Variants in FGF14 observed in about 807,000 individuals in gnomAD.
The protein encoded by FGF14 is fibroblast growth factor homologous factor 4.
A neutral mutation model predicts 25.5 loss-of-function variants in FGF14; 5 were observed. That is an observed-to-expected ratio of 0.20 (90% CI 0.10 to 0.41). The LOEUF is 0.41. FGF14 is among the 10% of genes least tolerant of loss of function. FGF14 has a pLI of 1.00. For missense variants in FGF14, 222 were observed against 320.1 expected, an observed-to-expected ratio of 0.69 and a Z score of 2.34; for synonymous variants, 138 against 118.3, an observed-to-expected ratio of 1.17 and a Z score of -1.08.
chr13:102,154,167 G>A (rs1290630090), intron 1 of FGF14, among the ~76,000 whole-genome samples: 4 of 152,020 alleles, frequency 2.6e-5, no homozygotes, highest in Admixed American at 2.6e-4. Context: ...TACAGAGAAT[G>A]CCACAAAGAT....
intron 3 of FGF14, among the ~76,000 whole-genome samples, chr13:101,793,066 G>A (rs1027439426): frequency 6.6e-6 from 1 of 151,998 alleles, no homozygotes; most frequent in Non-Finnish European, 1.5e-5. Flanking sequence ...ACATTACTCA[G>A]TTATTAGCTG....
At chr13:101,978,664 A>C (rs549725525) in intron 1 of FGF14, among the ~76,000 whole-genome samples, 27 of 152,330 alleles carry the variant, frequency 1.8e-4, no homozygotes, top group Admixed American at 7.2e-4. Context: ...ACATCACTTA[A>C]ATTCGCTAGG....
chr13:101,867,934 ACGCG>A (rs1403038685), intron 3 of FGF14, among the ~76,000 whole-genome samples: 101 of 133,910 alleles, frequency 7.5e-4, no homozygotes, highest in Non-Finnish European at 1.2e-3. Context: ...ACACACACAC[ACGCG>A]CACACACACA....
chr13:102,351,245 A>C (rs1566954993), intron 1 of FGF14, among the ~76,000 whole-genome samples: 1 of 152,168 alleles, frequency 6.6e-6, no homozygotes, highest in Non-Finnish European at 1.5e-5. Context: ...AATTATACCC[A>C]GTTAAAAACC....
chr13:102,121,622 CTTATA>C (rs1488811199), intron 1 of FGF14, among the ~76,000 whole-genome samples: 3 of 152,280 alleles, frequency 2.0e-5, no homozygotes, highest in South Asian at 2.1e-4. Context: ...GAAATGTTTA[CTTATA>C]TTAATTTATA....
intron 3 of FGF14, among the ~76,000 whole-genome samples, chr13:101,731,916 G>T (rs1033968808): frequency 6.6e-6 from 1 of 152,142 alleles, no homozygotes; most frequent in South Asian, 2.1e-4. Context: ...GATCTTTATG[G>T]CTCACAAAAC....
chr13:102,126,251 C>T (rs571261795), intron 1 of FGF14, among the ~76,000 whole-genome samples: 73 of 152,300 alleles, frequency 4.8e-4, no homozygotes, highest in African/African-American at 1.6e-3. Context: ...TACTGATCAT[C>T]TCTAATCTAC....
At chr13:102,066,017 T>G (rs2042889824) in intron 1 of FGF14, among the ~76,000 whole-genome samples, 1 of 152,098 alleles carries the variant, frequency 6.6e-6, no homozygotes, top group Non-Finnish European at 1.5e-5. Context: ...GAATAGTGGA[T>G]GTAGCTCTTG....
At chr13:102,037,732 A>T (rs929723942) in intron 1 of FGF14, among the ~76,000 whole-genome samples, 5 of 152,196 alleles carry the variant, frequency 3.3e-5, no homozygotes, top group African/African-American at 1.2e-4. Context: ...AACATTTATT[A>T]AAGAAAATCA....
At chr13:102,062,365 A>C (rs2042727227) in intron 1 of FGF14, among the ~76,000 whole-genome samples, 1 of 152,094 alleles carries the variant, frequency 6.6e-6, no homozygotes, top group Admixed American at 6.5e-5. Flanking sequence ...AACAAAAAGA[A>C]AAAAATAAAA....
chr13:101,786,451 T>C (rs1311408264), intron 3 of FGF14, among the ~76,000 whole-genome samples: 1 of 152,124 alleles, frequency 6.6e-6, no homozygotes, highest in Non-Finnish European at 1.5e-5. Context: ...CCTCACAGTC[T>C]AAAAAAGTCT....
At chr13:101,896,991 GAAGT>G (rs1195199089) in intron 1 of FGF14, among the ~76,000 whole-genome samples, 1 of 152,156 alleles carries the variant, frequency 6.6e-6, no homozygotes, top group Non-Finnish European at 1.5e-5. Flanking sequence ...AAGAAAGATG[GAAGT>G]AAGTAACAAA....
chr13:101,943,820 A>ATATATATATATATATAT (rs1555324427), intron 1 of FGF14, among the ~76,000 whole-genome samples: 1 of 121,182 alleles, frequency 8.3e-6, no homozygotes, highest in African/African-American at 6.1e-5. Flanking sequence ...CTTAAAAAAA[A>ATATATATATATATATAT]AAAAAAATAT....
At chr13:101,728,625 A>T (rs2035601333) in intron 3 of FGF14, among the ~76,000 whole-genome samples, 1 of 150,728 alleles carries the variant, frequency 6.6e-6, no homozygotes, top group Admixed American at 6.6e-5. Flanking sequence ...TCTCAAACAA[A>T]AGGATTAGAC....
chr13:101,838,599 A>G (rs2043042848), intron 3 of FGF14, among the ~76,000 whole-genome samples: 1 of 152,064 alleles, frequency 6.6e-6, no homozygotes, highest in African/African-American at 2.4e-5. Flanking sequence ...TGTACTTTTT[A>G]CCCTCCTGTT....
At chr13:101,895,572 G>A (rs999284757) in intron 1 of FGF14, among the ~76,000 whole-genome samples, 1 of 152,142 alleles carries the variant, frequency 6.6e-6, no homozygotes. Flanking sequence ...CCAAGTGAAA[G>A]ATGATTACTC....
intron 1 of FGF14, among the ~76,000 whole-genome samples, chr13:102,322,537 C>T (rs1414101949): frequency 6.6e-6 from 1 of 152,038 alleles, no homozygotes. Context: ...TGCACATAAT[C>T]CTTAAAAAAT....
intron 1 of FGF14, among the ~76,000 whole-genome samples, chr13:101,880,539 T>C (rs2493573): frequency 0.38 from 58,094 of 152,028 alleles, 11,529 homozygotes; most frequent in African/African-American, 0.49. Flanking sequence ...CACTCTAGCC[T>C]GGGCAACAAG....
intron 1 of FGF14, among the ~76,000 whole-genome samples, chr13:102,057,151 T>C (rs1416943876): frequency 6.6e-6 from 1 of 152,064 alleles, no homozygotes; most frequent in Non-Finnish European, 1.5e-5. Flanking sequence ...GATATAATTG[T>C]TTATAAACTA....
Sources: gnomAD v4.1 joint callset for allele counts (sites outside exome capture counted in the v4.1 genomes callset) on GRCh38, gnomAD v4.1.1 for gene constraint, MANE v1.5 for transcripts, NCBI Gene and HGNC (gene_info 2026-07-23, HGNC 2026-07-21) for gene names.